Variants in AARS1 observed in about 807,000 individuals in gnomAD.
The protein encoded by AARS1 is alanine--tRNA ligase, cytoplasmic.
In AARS1, 72 loss-of-function variants were observed where a neutral mutation model predicts 108.9. That is an observed-to-expected ratio of 0.66 (90% confidence interval 0.55 to 0.80). The LOEUF (loss-of-function observed/expected upper bound fraction) is 0.80, where lower values mean the gene tolerates loss of function less well. Ranked by LOEUF, AARS1 falls within the 30% of genes least tolerant of loss-of-function variation. The pLI is 0.00. For missense variants in AARS1, 1,193 were observed against 1,233.2 expected (o/e 0.97, Z 0.49); for synonymous variants, 489 against 465.7 (o/e 1.05, Z -0.64).
chr16:70,262,198 C>A, intron 12 of AARS1, 148 bp downstream of exon 12: 1 of 983,514 alleles, frequency 1.0e-6, no homozygotes, highest in Non-Finnish European at 1.6e-6. Context: ...GTACAAGCAA[C>A]AGCTCCCTCG....
intron 2 of AARS1, among the ~76,000 whole-genome samples, chr16:70,278,044 C>T (rs573252592): frequency 3.3e-5 from 5 of 151,890 alleles, no homozygotes; most frequent in African/African-American, 7.2e-5. Context: ...TGAATGACTG[C>T]GCCAGGTCTT....
rs966384680 is a variant in AARS1, at chr16:70,289,491, G to A, written c.-92C>T. ...CCAAGGGCCCGCTGCACCTATTCCC[G>A]CAGACGCGCAGCTGTACCGGCCTCA... On this transcript the variant is annotated 5_prime_UTR_variant, in exon 1 of 21. Transcript: ENST00000261772. The A allele has an allele frequency of 5.4e-5, 24 of 444,144 alleles. No homozygotes were observed. Among genetic ancestry groups the A allele is most frequent in the African/African-American group, 1.8e-4 (9 of 49,954 alleles). 27.5% of individuals were successfully genotyped at this position (444,144 alleles called of 1,614,324 possible). A position where few individuals can be genotyped will look rare whatever the true frequency, so the allele number is the denominator to read the frequency against.
At chr16:70,274,249 G>C (rs1055037215) in intron 4 of AARS1, among the ~76,000 whole-genome samples, 13 of 151,616 alleles carry the variant, frequency 8.6e-5, no homozygotes, top group Admixed American at 2.6e-4. Context: ...GCTGAGACAG[G>C]AGAATTGCTT....
Position 70,253,634 on chromosome 16 carries a change from G to A in AARS1, c.2607+80C>T, listed in dbSNP as rs766285180. ...CCGTGGGCCCTTAGGCAACCACTTC[G>A]CTCAGAGCCACAGAGGCCACATGTC... On this transcript the variant is annotated intron_variant, in intron 19 of 20. Transcript: ENST00000261772. The A allele has an allele frequency of 8.6e-6, 13 of 1,504,038 alleles. No homozygotes were observed. The East Asian group carries it at 9.0e-5, about 10-fold the overall frequency. 93.2% of individuals were successfully genotyped at this position (1,504,038 alleles called of 1,614,324 possible).
intron 5 of AARS1, 107 bp from the exon 6 acceptor site, chr16:70,270,447 A>ATC: frequency 7.0e-7 from 1 of 1,431,960 alleles, no homozygotes; most frequent in South Asian, 1.2e-5. Context: ...GGCTGTGACC[A>ATC]TCTGCCATTT....
chr16:70,274,530 C>A (rs1035170131), intron 4 of AARS1, among the ~76,000 whole-genome samples: 18 of 151,564 alleles, frequency 1.2e-4, no homozygotes, highest in Admixed American at 4.6e-4. Flanking sequence ...TCAAGACCAG[C>A]CTGGCCAACA....
rs763368482 is a variant in AARS1 at position 70,278,283 on chromosome 16, A to C, written c.145-1129T>G. On this transcript the variant is annotated intron_variant, in intron 2 of 20. Transcript: ENST00000261772. ...ATATTTTTAAAAATTAGAAATTCTC[A>C]GCTGGGCGCAGTGGCTCATGCCTGT... Among the ~76,000 whole-genome samples the C allele has an allele frequency of 2.0e-4, 30 of 152,010 alleles. 1 individual carries two copies. The highest frequency in any genetic ancestry group is 8.3e-4 in the South Asian group (4 of 4,818).
intron 2 of AARS1, among the ~76,000 whole-genome samples, chr16:70,282,158 A>T (rs114595840): frequency 0.069 from 10,411 of 150,162 alleles, 1,189 homozygotes; most frequent in African/African-American, 0.24. Flanking sequence ...TCTCAAAAAA[A>T]AATAATGATA....
intron 9 of AARS1, among the ~76,000 whole-genome samples, chr16:70,267,026 C>T (rs1223837594): frequency 2.0e-5 from 3 of 151,468 alleles, no homozygotes; most frequent in Admixed American, 6.6e-5. Flanking sequence ...TTAGTAGAGA[C>T]GGGGTTTTGC....
intron 1 of AARS1, among the ~76,000 whole-genome samples, chr16:70,284,958 G>A (rs112043250): frequency 1.0e-3 from 158 of 152,272 alleles, no homozygotes; most frequent in Middle Eastern, 6.8e-3. Context: ...CGCCACGTGC[G>A]GTGGCTCACA....
chr16:70,278,526 C>T (rs1960609423), intron 2 of AARS1, among the ~76,000 whole-genome samples: 1 of 150,634 alleles, frequency 6.6e-6, no homozygotes, highest in Non-Finnish European at 1.5e-5. Flanking sequence ...GATCGTGCCA[C>T]TCTACTCCAG....
chr16:70,286,330 A>C (rs1260689638), intron 1 of AARS1, among the ~76,000 whole-genome samples: 2 of 151,896 alleles, frequency 1.3e-5, no homozygotes, highest in Non-Finnish European at 2.9e-5. Context: ...GGGTGCCTTA[A>C]ATCACGCTGT....
intron 9 of AARS1, among the ~76,000 whole-genome samples, chr16:70,266,873 G>T (rs999743565): frequency 6.6e-6 from 1 of 151,966 alleles, no homozygotes; most frequent in Non-Finnish European, 1.5e-5. Context: ...TTTCGCTCTT[G>T]TTGCCCAGGC....
chr16:70,282,125 C>T (rs979966747), intron 2 of AARS1, among the ~76,000 whole-genome samples: 1 of 151,364 alleles, frequency 6.6e-6, no homozygotes, highest in Non-Finnish European at 1.5e-5. Context: ...GCACTCCAGC[C>T]TGGGCGACAG....
rs1375377891 is a variant in AARS1 at position 70,253,778 on chromosome 16, A to C, written c.2543T>G (p.Phe848Cys). 6.2e-7 allele frequency: 1 copy of C among 1,614,168 alleles called. No individual in the cohort carries two copies. The highest frequency in any genetic ancestry group is 2.2e-5 in the East Asian group (1 of 44,884). ...QKRVLEKTKQ[F>C]IDSNPNQPLV... ...AGGCTGGTTGGGGTTGCTGTCGATG[A>C]ACTGCTTCGTCTTCTCTAACACCTG... Residue 848 changes from phenylalanine (F) to cysteine (C), a missense_variant, in exon 19 of 21, where the codon TTC becomes TGC. Phe to Cys is a radical substitution (Grantham distance 205). Coordinates refer to ENST00000261772, the MANE Select transcript of AARS1 (RefSeq NM_001605.3).
At chr16:70,281,015 A>G (rs1268280696) in intron 2 of AARS1, among the ~76,000 whole-genome samples, 1 of 152,094 alleles carries the variant, frequency 6.6e-6, no homozygotes, top group African/African-American at 2.4e-5. Flanking sequence ...TTTTAATAAG[A>G]GACAGGGTTT....
chr16:70,284,340 C>T (rs977961880), intron 1 of AARS1, among the ~76,000 whole-genome samples: 42 of 149,900 alleles, frequency 2.8e-4, no homozygotes, highest in African/African-American at 7.9e-4. Context: ...CGGTGGCTCA[C>T]GCCTGTAATC....
chr16:70,270,078 T>C (rs1960360458), intron 6 of AARS1, 118 bp downstream of exon 6: 2 of 1,302,268 alleles, frequency 1.5e-6, no homozygotes, highest in Non-Finnish European at 2.2e-6. Context: ...AGTAGGCAGA[T>C]GGAAATGGGT....
At chr16:70,254,187 G>T (rs1959921530) in intron 17 of AARS1, 149 bp from the exon 18 acceptor site, 2 of 1,083,526 alleles carry the variant, frequency 1.8e-6, no homozygotes, top group Admixed American at 1.9e-5. Flanking sequence ...TTTAGGAGCA[G>T]CTGTGGCAGG....
Sources: allele counts gnomAD v4.1 joint callset (sites outside exome capture counted in the v4.1 genomes callset), GRCh38; gene constraint gnomAD v4.1.1; transcripts MANE v1.5; gene names NCBI Gene and HGNC (gene_info 2026-07-23, HGNC 2026-07-21).